Variants in ALPK1 observed in about 807,000 individuals in gnomAD.
ALPK1 encodes alpha kinase 1.
Under a neutral mutation model 120.6 loss-of-function variants are expected in ALPK1, and 110 were observed. The observed-to-expected ratio is 0.91, with a 90% confidence interval of 0.78 to 1.07. ALPK1 has a LOEUF of 1.07. ALPK1 is among the 50% of genes least tolerant of loss of function. ALPK1 has a pLI of 0.00. For missense variants in ALPK1, 1,498 were observed against 1,483.9 expected, an observed-to-expected ratio of 1.01 and a Z score of -0.16; for synonymous variants, 582 against 560.3, an observed-to-expected ratio of 1.04 and a Z score of -0.55.
At chr4:112,409,467 G>A (rs1207784471) in intron 4 of ALPK1, among the ~76,000 whole-genome samples, 1 of 151,994 alleles carries the variant, frequency 6.6e-6, no homozygotes, top group South Asian at 2.1e-4. Context: ...TTCTAATACA[G>A]GGTAAGTTAG....
intron 4 of ALPK1, among the ~76,000 whole-genome samples, chr4:112,394,636 G>A (rs2148736737): frequency 6.6e-6 from 1 of 152,258 alleles, no homozygotes; most frequent in Admixed American, 6.5e-5. Context: ...AAGTTTCAAT[G>A]GAAGATAAAT....
chr4:112,310,728 A>G lies in ALPK1; in HGVS notation c.-152-5073A>G, dbSNP rs539930429. Among the ~76,000 whole-genome samples, 7 of 152,198 alleles carry G rather than the reference A, an allele frequency of 4.6e-5. No homozygotes were observed. The South Asian group carries it at 8.3e-4, about 18-fold the overall frequency. On this transcript the variant is annotated intron_variant, in intron 1 of 15. Coordinates refer to ENST00000650871, the MANE Select transcript of ALPK1 (RefSeq NM_025144.4). ...TGGCCTTAATTTTCTCATCCATAAC[A>G]TGAGGATAACAACGTCCATTTTCCT...
At chr4:112,361,767 TGGA>T (rs1560653555) in intron 2 of ALPK1, among the ~76,000 whole-genome samples, 1 of 152,226 alleles carries the variant, frequency 6.6e-6, no homozygotes, top group Non-Finnish European at 1.5e-5. Flanking sequence ...ACCTCCTGGC[TGGA>T]GGCCAACGAA....
Position 112,434,863 on chromosome 4 carries a change from A to G in ALPK1, c.3035-285A>G, listed in dbSNP as rs918056803. On this transcript the variant is annotated intron_variant, in intron 11 of 15. Transcript: ENST00000650871. ...AATTCCTTTATTTTCCACTACTTTC[A>G]TATAGAATCTTCATGCTTATCTTAA... 3.3e-5 allele frequency among the ~76,000 whole-genome samples: 5 copies of G among 152,284 alleles called. No homozygotes were observed. The East Asian group carries it at 7.7e-4, about 23-fold the overall frequency.
At chr4:112,323,891 A>G (rs1239717789) in intron 2 of ALPK1, among the ~76,000 whole-genome samples, 1 of 152,214 alleles carries the variant, frequency 6.6e-6, no homozygotes, top group African/African-American at 2.4e-5. Flanking sequence ...CATGAACATC[A>G]TGCTGACATC....
chr4:112,365,530 T>G (rs1731106296), intron 2 of ALPK1, among the ~76,000 whole-genome samples: 1 of 152,134 alleles, frequency 6.6e-6, no homozygotes, highest in African/African-American at 2.4e-5. Context: ...CAAAGAAAAC[T>G]ACAAAACACT....
chr4:112,430,745 G>A lies in ALPK1; in HGVS notation c.1198G>A (p.Asp400Asn). The A allele has an allele frequency of 6.2e-7, 1 of 1,614,218 alleles. No individual in the cohort carries two copies. The highest frequency in any genetic ancestry group is 8.5e-7 in the Non-Finnish European group (1 of 1,180,032). ...TTTCAGCACTTCCTCCAGAAGTCAGGACAGAGAAGCTCTGTCTCAAGAAGT... is the reference window on the plus strand; with the variant it reads ...TTTCAGCACTTCCTCCAGAAGTCAGAACAGAGAAGCTCTGTCTCAAGAAGT... ...YNFSTSSRSQ[D>N]REALSQEVMS... Residue 400 changes from aspartate (D) to asparagine (N), a missense_variant, in exon 11 of 16, where the codon GAC becomes AAC. Coordinates refer to ENST00000650871, the MANE Select transcript of ALPK1 (RefSeq NM_025144.4).
intron 1 of ALPK1, among the ~76,000 whole-genome samples, chr4:112,312,034 C>T (rs1331449868): frequency 1.3e-5 from 2 of 152,028 alleles, no homozygotes; most frequent in African/African-American, 4.8e-5. Context: ...TCTAGAGGCA[C>T]AAAGACTGGT....
At chr4:112,382,279 A>T in intron 3 of ALPK1, 119 bp from the exon 4 acceptor site, 7 of 1,179,134 alleles carry the variant, frequency 5.9e-6, no homozygotes, top group Non-Finnish European at 8.2e-6. Flanking sequence ...GGCAGGGAAA[A>T]GGTTTTTCTC....
At chr4:112,312,517 C>T (rs1230611794) in intron 1 of ALPK1, among the ~76,000 whole-genome samples, 1 of 152,222 alleles carries the variant, frequency 6.6e-6, no homozygotes, top group African/African-American at 2.4e-5. Context: ...CTTCATCCGC[C>T]CACCTCGGCC....
intron 5 of ALPK1, among the ~76,000 whole-genome samples, chr4:112,417,823 C>G (rs1013923715): frequency 1.3e-5 from 2 of 152,026 alleles, no homozygotes; most frequent in Non-Finnish European, 2.9e-5. Flanking sequence ...ATTTAGTGCA[C>G]CACATGCACA....
chr4:112,340,182 G>A (rs924679235), intron 2 of ALPK1, among the ~76,000 whole-genome samples: 3 of 152,202 alleles, frequency 2.0e-5, no homozygotes, highest in Non-Finnish European at 2.9e-5. Context: ...ATGTAATATA[G>A]CCTGTAGCTC....
rs1259500682 is a variant in ALPK1 at position 112,431,480 on chromosome 4, C to A, written c.1933C>A (p.Leu645Ile). 6.2e-6 allele frequency: 10 copies of A among 1,614,202 alleles called. No individual in the cohort carries two copies. The East Asian group carries it at 2.2e-4, about 36-fold the overall frequency. The change falls in exon 11 of 16, where the codon CTT becomes ATT. Residue 645 changes from leucine (L) to isoleucine (I), a missense_variant. Physicochemically the swap from Leu to Ile is conservative, Grantham distance 5. Coordinates refer to ENST00000650871, the MANE Select transcript of ALPK1 (RefSeq NM_025144.4). ...GRAMHSLHSQ[L>I]HDLSLQEPNN... ...AGCTATGCATTCATTGCATTCACAG[C>A]TTCATGATCTCTCTCTTCAGGAACC...
Position 112,435,187 on chromosome 4 carries a change from G to A in ALPK1, c.3074G>A (p.Trp1025Ter), listed in dbSNP as rs918193929. Residue 1025 changes from tryptophan to a stop codon, truncating the protein, a stop_gained, in exon 12 of 16, where the codon TGG (tryptophan) becomes TAG (stop). Coordinates refer to ENST00000650871, the MANE Select transcript of ALPK1 (RefSeq NM_025144.4). LOFTEE classifies it high-confidence loss of function. ...AAATATTCAAAAAAATCTGAACTGTGGACGGCCCAGGAAACTATTGTCTAT... is the reference window on the plus strand; with the variant it reads ...AAATATTCAAAAAAATCTGAACTGTAGACGGCCCAGGAAACTATTGTCTAT... The part of the protein sequence containing the change: ...LLKYSKKSEL[W>*]TAQETIVYLG... The A allele has an allele frequency of 4.3e-6, 7 of 1,610,458 alleles. No homozygotes were observed. The highest frequency in any genetic ancestry group is 5.9e-6 in the Non-Finnish European group (7 of 1,179,112).
chr4:112,323,622 A>G (rs960761941), intron 2 of ALPK1, among the ~76,000 whole-genome samples: 2 of 152,202 alleles, frequency 1.3e-5, no homozygotes, highest in African/African-American at 4.8e-5. Context: ...ATGTATGTCA[A>G]ATAAAGTTGC....
At chr4:112,366,983 T>A (rs1381064590) in intron 2 of ALPK1, among the ~76,000 whole-genome samples, 1 of 152,168 alleles carries the variant, frequency 6.6e-6, no homozygotes, top group Non-Finnish European at 1.5e-5. Flanking sequence ...CACTCATAAG[T>A]GGATGCTAAG....
At position 112,377,889 on chromosome 4, in the gene ALPK1, C is replaced by A; in HGVS notation, c.112C>A (p.Arg38Ser). ...GGAAGAGGACAAGAGCGAGGACCAGCGCTGCAGAGGTGAGGTTCTGATGGG... is the reference window on the plus strand; with the variant it reads ...GGAAGAGGACAAGAGCGAGGACCAGAGCTGCAGAGGTGAGGTTCTGATGGG... ...VSEEDKSEDQ[R>S]CRALLPSELR... is the part of the protein sequence containing the mutation. Residue 38 changes from arginine to serine, a missense_variant, in exon 3 of 16, where the codon CGC (arginine) becomes AGC (serine). Physicochemically the swap from Arg to Ser is moderately radical, Grantham distance 110. Transcript: ENST00000650871. The A allele has an allele frequency of 1.2e-6, 2 of 1,610,072 alleles. No individual in the cohort carries two copies. Among genetic ancestry groups the A allele is most frequent in the Non-Finnish European group, 1.7e-6 (2 of 1,177,576 alleles).
intron 5 of ALPK1, among the ~76,000 whole-genome samples, chr4:112,415,487 A>T (rs1474798561): frequency 6.6e-6 from 1 of 152,088 alleles, no homozygotes; most frequent in Non-Finnish European, 1.5e-5. Context: ...AATACAAAAA[A>T]TTAGCCTGGT....
chr4:112,382,212 T>A (rs548741226), intron 3 of ALPK1, among the ~76,000 whole-genome samples, 186 bp from the exon 4 acceptor site: 2 of 152,054 alleles, frequency 1.3e-5, no homozygotes, highest in East Asian at 3.9e-4. Flanking sequence ...CCCTGACAGA[T>A]AGCTCCTCAC....
Sources: allele counts gnomAD v4.1 joint callset (sites outside exome capture counted in the v4.1 genomes callset), GRCh38; gene constraint gnomAD v4.1.1; transcripts MANE v1.5; gene names NCBI Gene and HGNC (gene_info 2026-07-23, HGNC 2026-07-21).